DRC11: variants seen among roughly 807,000 people sequenced by gnomAD.
DRC11 encodes IQ and AAA domain-containing protein 1.
the DRC11 span, chr2:236,338,332 C>T: frequency 6.2e-7 from 1 of 1,613,810 alleles, no homozygotes. Context: ...CATCTGGTTT[C>T]AGGAGTTTCA....
chr2:236,348,453 A>T, the DRC11 span, among the ~76,000 whole-genome samples: 2 of 152,246 alleles, frequency 1.3e-5, no homozygotes, highest in Non-Finnish European at 2.9e-5. The surrounding 1 kb of genome is among the most constrained non-coding windows in gnomAD (Gnocchi z 7.4). Flanking sequence ...AAATGCACCC[A>T]GTCAGGGGCG....
the DRC11 span, among the ~76,000 whole-genome samples, chr2:236,312,361 T>C: frequency 6.6e-6 from 1 of 152,196 alleles, no homozygotes; most frequent in Admixed American, 6.5e-5. Flanking sequence ...AAAAAAATAT[T>C]GTATTCTAAT....
chr2:236,381,168 C>T, the DRC11 span, among the ~76,000 whole-genome samples: 1 of 152,150 alleles, frequency 6.6e-6, no homozygotes, highest in Non-Finnish European at 1.5e-5. This position sits in a 1 kb window ranked among gnomAD's most constrained non-coding sequence, Gnocchi z 5.8. Flanking sequence ...GAAGACACAG[C>T]TAGGAGGAAC....
At chr2:236,436,960 C>T in the DRC11 span, among the ~76,000 whole-genome samples, 1 of 151,738 alleles carries the variant, frequency 6.6e-6, no homozygotes, top group Non-Finnish European at 1.5e-5. Flanking sequence ...TATTATTATA[C>T]TTTAAATTTT....
the DRC11 span, among the ~76,000 whole-genome samples, chr2:236,344,952 T>C: frequency 3.9e-3 from 361 of 92,624 alleles, no homozygotes; most frequent in African/African-American, 0.013. Flanking sequence ...GTTGTAAATG[T>C]GCTTCCCTCT....
chr2:236,399,326 T>C, the DRC11 span: 5 of 1,049,940 alleles, frequency 4.8e-6, no homozygotes, highest in African/African-American at 1.6e-5. The surrounding 1 kb of genome is among the most constrained non-coding windows in gnomAD (Gnocchi z 7.0). Flanking sequence ...AATGTCTCGG[T>C]TGTGAGTGGC....
chr2:236,412,232 G>T, the DRC11 span, among the ~76,000 whole-genome samples: 1 of 152,116 alleles, frequency 6.6e-6, no homozygotes, highest in Non-Finnish European at 1.5e-5. Flanking sequence ...TCAGGAGGCA[G>T]AAAGAAAACC....
the DRC11 span, among the ~76,000 whole-genome samples, chr2:236,310,670 T>C: frequency 6.6e-6 from 1 of 152,232 alleles, no homozygotes; most frequent in Non-Finnish European, 1.5e-5. This position sits in a 1 kb window ranked among gnomAD's most constrained non-coding sequence, Gnocchi z 5.5. Flanking sequence ...CAAAAGGCCC[T>C]GGCTGGGTGC....
the DRC11 span, among the ~76,000 whole-genome samples, chr2:236,494,398 T>C: frequency 1.3e-5 from 2 of 152,222 alleles, no homozygotes; most frequent in African/African-American, 2.4e-5. This position sits in a 1 kb window ranked among gnomAD's most constrained non-coding sequence, Gnocchi z 4.2. Flanking sequence ...TGCTTTATTG[T>C]GAAACTTGTT....
the DRC11 span, among the ~76,000 whole-genome samples, chr2:236,458,331 T>G: frequency 6.6e-6 from 1 of 152,094 alleles, no homozygotes; most frequent in Non-Finnish European, 1.5e-5. Context: ...ATCTAGAAAA[T>G]TCTAGGCCTG....
At chr2:236,430,358 C>G in the DRC11 span, among the ~76,000 whole-genome samples, 1 of 152,160 alleles carries the variant, frequency 6.6e-6, no homozygotes, top group Admixed American at 6.5e-5. This position sits in a 1 kb window ranked among gnomAD's most constrained non-coding sequence, Gnocchi z 6.0. Context: ...CAAAATCTTC[C>G]AAGTGCACAG....
the DRC11 span, among the ~76,000 whole-genome samples, chr2:236,400,340 T>A: frequency 1.3e-5 from 2 of 152,126 alleles, no homozygotes; most frequent in African/African-American, 4.8e-5. The surrounding 1 kb of genome is among the most constrained non-coding windows in gnomAD (Gnocchi z 7.9). Context: ...CTGCTGACTC[T>A]GTGCACCAAG....
the DRC11 span, among the ~76,000 whole-genome samples, chr2:236,389,140 G>A: frequency 1.3e-5 from 2 of 152,240 alleles, no homozygotes; most frequent in Non-Finnish European, 2.9e-5. Flanking sequence ...GCCCCCAGAG[G>A]TGGAGCCTAC....
the DRC11 span, among the ~76,000 whole-genome samples, chr2:236,439,748 C>T: frequency 6.6e-6 from 1 of 152,108 alleles, no homozygotes; most frequent in Non-Finnish European, 1.5e-5. Context: ...GAAATATTCA[C>T]CAATCGTTCT....
chr2:236,357,021 ATC>A, the DRC11 span, among the ~76,000 whole-genome samples: 2 of 131,406 alleles, frequency 1.5e-5, 1 homozygote. Context: ...TATATTATAT[ATC>A]TATATATTTA....
At chr2:236,331,433 G>C in the DRC11 span, 20 of 1,613,972 alleles carry the variant, frequency 1.2e-5, no homozygotes, top group African/African-American at 1.6e-4. The surrounding 1 kb of genome is among the most constrained non-coding windows in gnomAD (Gnocchi z 4.8). Context: ...ACTGCAGTGA[G>C]AGGTTTATGA....
the DRC11 span, among the ~76,000 whole-genome samples, chr2:236,359,917 C>CA: frequency 6.6e-6 from 1 of 152,092 alleles, no homozygotes; most frequent in East Asian, 1.9e-4. This position sits in a 1 kb window ranked among gnomAD's most constrained non-coding sequence, Gnocchi z 4.3. Context: ...CATGAAGTGG[C>CA]CCAGGTGGGT....
the DRC11 span, among the ~76,000 whole-genome samples, chr2:236,436,492 C>T: frequency 7.9e-5 from 12 of 152,144 alleles, no homozygotes; most frequent in African/African-American, 2.6e-4. Flanking sequence ...ATATTTAATT[C>T]ATCTGAAATT....
At chr2:236,333,825 C>T in the DRC11 span, among the ~76,000 whole-genome samples, 1 of 152,084 alleles carries the variant, frequency 6.6e-6, no homozygotes, top group Non-Finnish European at 1.5e-5. The surrounding 1 kb of genome is among the most constrained non-coding windows in gnomAD (Gnocchi z 6.0). Flanking sequence ...TAACGGTGTA[C>T]AGTTACTGTA....
Sources: allele counts gnomAD v4.1 joint callset (sites outside exome capture counted in the v4.1 genomes callset), GRCh38; gene constraint gnomAD v4.1.1; non-coding constraint Gnocchi (gnomAD v3.1); transcripts MANE v1.5; gene names NCBI Gene and HGNC (gene_info 2026-07-23, HGNC 2026-07-21).